Variants in NUDT3 observed in about 807,000 individuals in gnomAD.
NUDT3 encodes the protein nudix hydrolase 3.
Under a neutral mutation model 23.6 loss-of-function variants are expected in NUDT3, and 9 were observed. The observed-to-expected ratio is 0.38, with a 90% CI of 0.23 to 0.66. The LOEUF (loss-of-function observed/expected upper bound fraction) is 0.66. Among genes scored for constraint, NUDT3 ranks in the 30% least tolerant of loss-of-function variants. The pLI is 0.52. For synonymous variants in NUDT3, 86 were observed against 82.6 expected, an observed-to-expected ratio of 1.04 and a Z score of -0.22; for missense variants, 172 against 218.5, an observed-to-expected ratio of 0.79 and a Z score of 1.34.
rs1305722042 is a variant in NUDT3 at position 34,392,343 on chromosome 6, T to C, written c.20A>G (p.Asn7Ser). 1.9e-6 allele frequency: 3 copies of C among 1,605,106 alleles called. No homozygotes were observed. In the Admixed American group the frequency reaches 5.0e-5, roughly 27 times the overall value. The change falls in exon 1 of 5, where the codon AAC (asparagine) becomes AGC (serine). Residue 7 changes from asparagine to serine, a missense_variant. Asn to Ser is a conservative substitution (Grantham distance 46, BLOSUM62 1). Transcript: ENST00000607016. Reference sequence around the variant, plus strand: ...GTCGCCGTCGTAGGTGCGGGTCTGGTTCGACTTGAGCTTCATCATCCTCCG... The same window carrying C: ...GTCGCCGTCGTAGGTGCGGGTCTGGCTCGACTTGAGCTTCATCATCCTCCG... Reference protein sequence around the residue: MMKLKSNQTRTYDGDGY... With the variant: MMKLKSSQTRTYDGDGY...
At chr6:34,299,149 C>T (rs547345272) in intron 2 of NUDT3, among the ~76,000 whole-genome samples, 91 of 152,204 alleles carry the variant, frequency 6.0e-4, no homozygotes, top group African/African-American at 1.9e-3. Flanking sequence ...GCATGCAGGT[C>T]GGGATATGTG....
At chr6:34,324,603 C>T (rs978002190) in intron 2 of NUDT3, among the ~76,000 whole-genome samples, 1 of 152,174 alleles carries the variant, frequency 6.6e-6, no homozygotes, top group African/African-American at 2.4e-5. Flanking sequence ...CTTTACAAAT[C>T]ACTCTAATGG....
At chr6:34,323,954 A>C (rs1160708402) in intron 2 of NUDT3, among the ~76,000 whole-genome samples, 1 of 152,226 alleles carries the variant, frequency 6.6e-6, no homozygotes, top group Non-Finnish European at 1.5e-5. Flanking sequence ...TTTTATGAAC[A>C]GAAAAAAATG....
intron 2 of NUDT3, among the ~76,000 whole-genome samples, chr6:34,314,692 A>C (rs1052871643): frequency 6.6e-6 from 1 of 152,112 alleles, no homozygotes; most frequent in South Asian, 2.1e-4. Context: ...GGGTGATGGG[A>C]GGAGAAAAGA....
intron 2 of NUDT3, among the ~76,000 whole-genome samples, chr6:34,321,431 C>G (rs1202011713): frequency 6.6e-6 from 1 of 151,878 alleles, no homozygotes; most frequent in African/African-American, 2.4e-5. Flanking sequence ...GAGCGAGACT[C>G]CATCTCAAAA....
At chr6:34,363,091 G>A (rs1009503303) in intron 1 of NUDT3, among the ~76,000 whole-genome samples, 1 of 152,158 alleles carries the variant, frequency 6.6e-6, no homozygotes, top group African/African-American at 2.4e-5. Flanking sequence ...TACAGTTAAC[G>A]ATTGAGCACA....
chr6:34,321,990 T>C (rs557554969), intron 2 of NUDT3, among the ~76,000 whole-genome samples: 61 of 152,302 alleles, frequency 4.0e-4, no homozygotes, highest in African/African-American at 1.4e-3. Flanking sequence ...AACTATCCCA[T>C]AGGCAGTGTG....
intron 1 of NUDT3, among the ~76,000 whole-genome samples, chr6:34,355,497 A>C (rs533503487): frequency 6.6e-6 from 1 of 152,136 alleles, no homozygotes; most frequent in African/African-American, 2.4e-5. Flanking sequence ...CTTTTCTTGT[A>C]ATGTACCATC....
intron 2 of NUDT3, among the ~76,000 whole-genome samples, chr6:34,314,339 G>A (rs1763826720): frequency 1.3e-5 from 2 of 150,466 alleles, no homozygotes; most frequent in Non-Finnish European, 3.0e-5. Flanking sequence ...GACGACCTGA[G>A]GTCAGCTGTT....
chr6:34,321,737 C>G (rs1198969228), intron 2 of NUDT3, among the ~76,000 whole-genome samples: 1 of 152,078 alleles, frequency 6.6e-6, no homozygotes. Flanking sequence ...GTACTAGAAC[C>G]TCCTCAAGTG....
intron 3 of NUDT3, 60 bp downstream of exon 3, chr6:34,295,581 G>T: frequency 1.3e-6 from 2 of 1,514,554 alleles, no homozygotes; most frequent in Non-Finnish European, 1.8e-6. Flanking sequence ...TTTTTCCTAT[G>T]TTAATATCTG....
At chr6:34,380,094 A>T (rs1411479548) in intron 1 of NUDT3, among the ~76,000 whole-genome samples, 5 of 151,748 alleles carry the variant, frequency 3.3e-5, no homozygotes, top group African/African-American at 4.8e-5. Flanking sequence ...TTATTTATTT[A>T]TTTTTTGAGA....
chr6:34,364,250 C>T lies in NUDT3; in HGVS notation c.100-22278G>A, dbSNP rs531632304. On this transcript the variant is annotated intron_variant, in intron 1 of 4. Transcript: ENST00000607016. ...CATGATTGGTGGAGGAAACATTTAA[C>T]AGCTGACAAGCTGTCTTATGGTAAA... Among the ~76,000 whole-genome samples the T allele has an allele frequency of 6.8e-4, 104 of 152,318 alleles. 2 individuals are homozygous for T. In the South Asian group the frequency reaches 0.015, roughly 22 times the overall value.
intron 1 of NUDT3, among the ~76,000 whole-genome samples, chr6:34,354,079 G>A (rs1259310357): frequency 2.7e-5 from 4 of 150,694 alleles, no homozygotes; most frequent in African/African-American, 7.3e-5. Context: ...CATCAAGCCC[G>A]GCTAATTTTT....
At chr6:34,316,921 T>C (rs781195509) in intron 2 of NUDT3, among the ~76,000 whole-genome samples, 26 of 152,114 alleles carry the variant, frequency 1.7e-4, no homozygotes, top group Non-Finnish European at 3.1e-4. Context: ...TTGAAAGTAG[T>C]AGACTGAAGA....
At chr6:34,365,696 T>C (rs183598826) in intron 1 of NUDT3, among the ~76,000 whole-genome samples, 14 of 152,292 alleles carry the variant, frequency 9.2e-5, no homozygotes, top group Non-Finnish European at 1.6e-4. Context: ...GAGGATCCCT[T>C]GAGGCCAGGA....
rs1238144674 is a variant in NUDT3, at chr6:34,283,803, G to T, written c.*4950C>A. The T allele has an allele frequency of 6.6e-6, 1 of 152,132 alleles. No individual in the cohort carries two copies. The highest frequency in any genetic ancestry group is 1.5e-5 in the Non-Finnish European group (1 of 68,008). 9.4% of individuals were successfully genotyped at this position (152,132 alleles called of 1,614,324 possible). A position where few individuals can be genotyped will look rare whatever the true frequency, so the allele number is the denominator to read the frequency against. The stretch of plus-strand genomic sequence containing the variant: ...GATGCACAGACAACAGTATCTTTTA[G>T]GGACTGCAGCCAATGTTCCCCAATT... On this transcript the variant is annotated 3_prime_UTR_variant, in exon 5 of 5. Coordinates refer to ENST00000607016, the MANE Select transcript of NUDT3 (RefSeq NM_006703.4).
chr6:34,373,278 CA>C (rs55952536), intron 1 of NUDT3, among the ~76,000 whole-genome samples: 3,079 of 86,954 alleles, frequency 0.035, 44 homozygotes, highest in Middle Eastern at 0.063. Context: ...GACTCCGTCT[CA>C]AAAAAAAAAA....
intron 2 of NUDT3, among the ~76,000 whole-genome samples, chr6:34,316,370 T>G (rs181192775): frequency 6.6e-6 from 1 of 152,262 alleles, no homozygotes; most frequent in Admixed American, 6.5e-5. Context: ...AAATGAACAC[T>G]TTAGTGGCAT....
Sources: gnomAD v4.1 joint callset for allele counts (sites outside exome capture counted in the v4.1 genomes callset) on GRCh38, gnomAD v4.1.1 for gene constraint, MANE v1.5 for transcripts, NCBI Gene and HGNC (gene_info 2026-07-23, HGNC 2026-07-21) for gene names.